The following MEIS2 variants were observed in gnomAD, a reference collection of about 807,000 sequenced individuals.
MEIS2 encodes Meis homeobox 2.
Under a neutral mutation model 58.6 loss-of-function variants are expected in MEIS2, and 9 were observed. The ratio of observed to expected loss-of-function variants is 0.15; its 90% confidence interval spans 0.09 to 0.27. MEIS2 has a LOEUF of 0.27. Ranked by LOEUF, MEIS2 falls within the 10% of genes least tolerant of loss-of-function variation. MEIS2 has a pLI of 1.00. For missense variants in MEIS2, 427 were observed against 635.0 expected (o/e 0.67, Z 3.52); for synonymous variants, 221 against 228.4 (o/e 0.97, Z 0.29).
chr15:36,983,430 C>A (rs1021668209), intron 8 of MEIS2, among the ~76,000 whole-genome samples: 1 of 152,000 alleles, frequency 6.6e-6, no homozygotes, highest in Non-Finnish European at 1.5e-5. Context: ...TGTTCTTGCA[C>A]CCTTGTTGAG....
intron 7 of MEIS2, among the ~76,000 whole-genome samples, chr15:37,062,082 G>A (rs1200392332): frequency 2.6e-5 from 4 of 152,168 alleles, no homozygotes; most frequent in African/African-American, 9.7e-5. Flanking sequence ...GCTGCCTGAG[G>A]AGCAACAAGT....
Position 37,098,046 on chromosome 15 carries a change from G to GGGCGTGCGCGCCGTAGTGCTGTGT in MEIS2, c.142_165dup (p.Thr48_Ala55dup), listed in dbSNP as rs745461499. ...CTGGCCGGCATGACATTGGGGTGCG[G>GGGCGTGCGCGCCGTAGTGCTGTGT]GGCGTGCGCGCCGTAGTGCTGTGTG... On this transcript the variant is annotated inframe_insertion, in exon 2 of 12. Transcript: ENST00000561208. 5.0e-6 allele frequency: 8 copies of GGGCGTGCGCGCCGTAGTGCTGTGT among 1,613,368 alleles called. No individual in the cohort carries two copies.
intron 7 of MEIS2, among the ~76,000 whole-genome samples, chr15:37,050,580 C>G (rs2062874121): frequency 6.6e-6 from 1 of 152,044 alleles, no homozygotes. Context: ...GGAAGAGTAT[C>G]CGACATACTT....
intron 8 of MEIS2, among the ~76,000 whole-genome samples, chr15:36,992,823 C>T (rs2141561499): frequency 6.6e-6 from 1 of 152,198 alleles, no homozygotes; most frequent in East Asian, 1.9e-4. Flanking sequence ...GAGGAATCTA[C>T]TCAGGTTTTC....
chr15:36,904,459 G>T (rs917194904), intron 9 of MEIS2, among the ~76,000 whole-genome samples: 4 of 152,104 alleles, frequency 2.6e-5, no homozygotes, highest in Non-Finnish European at 5.9e-5. Context: ...AAGGAAGCTC[G>T]CATGAACCAC....
At chr15:36,997,962 C>T (rs574410883) in intron 8 of MEIS2, among the ~76,000 whole-genome samples, 34 of 152,336 alleles carry the variant, frequency 2.2e-4, no homozygotes, top group African/African-American at 7.9e-4. Context: ...GATCCTTGCC[C>T]TATCCCCTGT....
intron 9 of MEIS2, among the ~76,000 whole-genome samples, chr15:36,901,621 T>C (rs1218230455): frequency 6.6e-6 from 1 of 152,162 alleles, no homozygotes; most frequent in Non-Finnish European, 1.5e-5. Context: ...GATTTATAAT[T>C]TGATAGAATA....
chr15:36,952,615 G>GCCC (rs2058796707), intron 8 of MEIS2, among the ~76,000 whole-genome samples: 1 of 147,718 alleles, frequency 6.8e-6, no homozygotes, highest in Non-Finnish European at 1.5e-5. Flanking sequence ...CTCTGTGTGT[G>GCCC]TGTGTGTGTG....
At position 37,099,224 on chromosome 15, in the gene MEIS2, G is replaced by A. The variant is rs930685482; in HGVS notation, c.12+231C>T. The A allele has an allele frequency of 2.1e-6, 3 of 1,429,808 alleles. No individual in the cohort carries two copies. In the African/African-American group the frequency reaches 4.3e-5, roughly 21 times the overall value. 88.6% of individuals were successfully genotyped at this position (1,429,808 alleles called of 1,614,324 possible). A position where few individuals can be genotyped will look rare whatever the true frequency, so the allele number is the denominator to read the frequency against. On this transcript the variant is annotated intron_variant, in intron 1 of 11. Coordinates refer to ENST00000561208, the MANE Select transcript of MEIS2 (RefSeq NM_170675.5). ...CTCGCCGCCCGCCCGCTCGCACAGC[G>A]CTGGAACACGCGCGCCCAGACACGC... is the stretch of plus-strand genomic sequence containing the variant.
intron 7 of MEIS2, among the ~76,000 whole-genome samples, chr15:37,071,167 G>T (rs553850738): frequency 6.6e-6 from 1 of 152,048 alleles, no homozygotes; most frequent in African/African-American, 2.4e-5. Flanking sequence ...ATTATTGAAG[G>T]CCTCCTATAT....
chr15:36,954,093 A>G (rs1324310057), intron 8 of MEIS2, among the ~76,000 whole-genome samples: 2 of 152,184 alleles, frequency 1.3e-5, no homozygotes, highest in African/African-American at 4.8e-5. Context: ...GATATGTACA[A>G]TGAATGAAAA....
At chr15:36,973,104 C>T (rs950875846) in intron 8 of MEIS2, among the ~76,000 whole-genome samples, 16 of 152,126 alleles carry the variant, frequency 1.1e-4, no homozygotes, top group African/African-American at 3.9e-4. Context: ...TCTCTCTAAG[C>T]CTCAGTTTGC....
At chr15:36,972,182 GC>G (rs1595843399) in intron 8 of MEIS2, among the ~76,000 whole-genome samples, 1 of 152,114 alleles carries the variant, frequency 6.6e-6, no homozygotes, top group African/African-American at 2.4e-5. Context: ...AAAAACTTCT[GC>G]CTGAGTAGCA....
Position 36,948,228 on chromosome 15 carries a change from C to A in MEIS2, c.977+2096G>T, listed in dbSNP as rs908682429. 2.6e-5 allele frequency among the ~76,000 whole-genome samples: 4 copies of A among 151,854 alleles called. No individual in the cohort carries two copies. In the East Asian group the frequency reaches 7.7e-4, roughly 29 times the overall value. On this transcript the variant is annotated intron_variant, in intron 9 of 11. Coordinates refer to ENST00000561208, the MANE Select transcript of MEIS2 (RefSeq NM_170675.5). Reference sequence around the variant, plus strand: ...TGTGTGACAGACTGTCACATCCTAACCCTTGGCATTCTGTGGCAAATATGG... The same window carrying A: ...TGTGTGACAGACTGTCACATCCTAAACCTTGGCATTCTGTGGCAAATATGG...
At chr15:37,041,487 C>A (rs1415340458) in intron 7 of MEIS2, among the ~76,000 whole-genome samples, 2 of 152,220 alleles carry the variant, frequency 1.3e-5, no homozygotes, top group Admixed American at 6.5e-5. Flanking sequence ...GTCACGCATG[C>A]TTTCCTTAGC....
intron 8 of MEIS2, among the ~76,000 whole-genome samples, chr15:36,986,573 G>T (rs2060099437): frequency 6.6e-6 from 1 of 152,186 alleles, no homozygotes; most frequent in Non-Finnish European, 1.5e-5. Context: ...GGTATCACAA[G>T]TAGTCTGGCA....
At chr15:36,975,669 T>C (rs1001563086) in intron 8 of MEIS2, among the ~76,000 whole-genome samples, 2 of 152,084 alleles carry the variant, frequency 1.3e-5, no homozygotes, top group African/African-American at 4.8e-5. Context: ...TTCCAACTGT[T>C]TGTTGTTTTG....
intron 6 of MEIS2, among the ~76,000 whole-genome samples, chr15:37,090,090 A>G (rs1893337955): frequency 6.6e-6 from 1 of 152,072 alleles, no homozygotes; most frequent in Admixed American, 6.6e-5. Context: ...ACAGAGTTCT[A>G]TTTCCTTCGA....
At chr15:36,949,524 C>T (rs2058683677) in intron 9 of MEIS2, among the ~76,000 whole-genome samples, 1 of 151,924 alleles carries the variant, frequency 6.6e-6, no homozygotes, top group South Asian at 2.1e-4. Context: ...AATGGAGTTC[C>T]ATGTAATTAA....
Sources: gnomAD v4.1 joint callset for allele counts (sites outside exome capture counted in the v4.1 genomes callset) on GRCh38, gnomAD v4.1.1 for gene constraint, MANE v1.5 for transcripts, NCBI Gene and HGNC (gene_info 2026-07-23, HGNC 2026-07-21) for gene names.